The following GPC6 variants were observed in gnomAD, a reference collection of about 807,000 sequenced individuals.
GPC6 encodes glypican-6.
A neutral mutation model predicts 55.2 loss-of-function variants in GPC6; 14 were observed. The observed-to-expected ratio is 0.25, with a 90% CI of 0.17 to 0.40. The LOEUF is 0.40. Among genes scored for constraint, GPC6 ranks in the 10% least tolerant of loss-of-function variants. GPC6 has a pLI of 1.00. For missense variants in GPC6, 641 were observed against 708.5 expected (o/e 0.90, Z 1.08); for synonymous variants, 278 against 259.6 (o/e 1.07, Z -0.68).
intron 2 of GPC6, among the ~76,000 whole-genome samples, chr13:93,724,996 G>A (rs1016361524): frequency 6.6e-6 from 1 of 151,934 alleles, no homozygotes; most frequent in African/African-American, 2.4e-5. Context: ...AAAAAAAAGT[G>A]CCTTCTGTGC....
chr13:94,064,441 T>C (rs1884445392), intron 4 of GPC6, among the ~76,000 whole-genome samples: 1 of 152,152 alleles, frequency 6.6e-6, no homozygotes, highest in African/African-American at 2.4e-5. Flanking sequence ...GGGTGCAGCA[T>C]GGGGACTGGC....
chr13:93,804,946 C>T (rs1407302638), intron 2 of GPC6, among the ~76,000 whole-genome samples: 1 of 152,188 alleles, frequency 6.6e-6, no homozygotes, highest in African/African-American at 2.4e-5. Context: ...AACATAGCAG[C>T]AGTTTATGGG....
At chr13:94,231,404 A>G (rs1345773159) in intron 4 of GPC6, among the ~76,000 whole-genome samples, 1 of 152,196 alleles carries the variant, frequency 6.6e-6, no homozygotes, top group African/African-American at 2.4e-5. Flanking sequence ...GTTCAGAAAC[A>G]TTTGGCAGTC....
At chr13:93,245,356 C>A (rs1034262368) in intron 1 of GPC6, among the ~76,000 whole-genome samples, 6 of 152,176 alleles carry the variant, frequency 3.9e-5, no homozygotes, top group African/African-American at 1.4e-4. Flanking sequence ...TTCTCTCCTT[C>A]CTTCCTTCAT....
Position 94,398,469 on chromosome 13 carries a change from C to T in GPC6, c.1293C>T (p.Tyr431=). The change falls in exon 8 of 9, where the codon TAC becomes TAT. Residue 431 remains tyrosine, a synonymous_variant. Coordinates refer to ENST00000377047, the MANE Select transcript of GPC6 (RefSeq NM_005708.5). The stretch of plus-strand genomic sequence containing the variant: ...TCTCTCACTCTCTGCCTTGCAGATA[C>T]TTGCCTGAGATCATGAATGATGGGC... ...ECWNGHSKAR[Y]LPEIMNDGLT... 1 of 1,612,082 alleles carries T rather than the reference C, an allele frequency of 6.2e-7. No homozygotes were observed. The highest frequency in any genetic ancestry group is 8.5e-7 in the Non-Finnish European group (1 of 1,178,196).
At chr13:94,254,519 A>G (rs1375660884) in intron 4 of GPC6, among the ~76,000 whole-genome samples, 2 of 152,138 alleles carry the variant, frequency 1.3e-5, no homozygotes, top group African/African-American at 2.4e-5. Context: ...TGCTACAAAC[A>G]TACTTAATAT....
intron 2 of GPC6, among the ~76,000 whole-genome samples, chr13:93,549,316 G>A (rs1379256578): frequency 6.6e-6 from 1 of 152,136 alleles, no homozygotes; most frequent in African/African-American, 2.4e-5. Context: ...TAGTATTTTT[G>A]TGTTTAGTGA....
chr13:93,580,954 T>A (rs545832271), intron 2 of GPC6, among the ~76,000 whole-genome samples: 10 of 152,292 alleles, frequency 6.6e-5, no homozygotes, highest in South Asian at 2.1e-4. Context: ...GTGTTTTTTT[T>A]AATTACTTAA....
chr13:93,497,252 C>A (rs764351997), intron 1 of GPC6, among the ~76,000 whole-genome samples: 2 of 152,184 alleles, frequency 1.3e-5, no homozygotes, highest in African/African-American at 2.4e-5. Flanking sequence ...GTCCTGATTG[C>A]TCATGTGAAA....
intron 3 of GPC6, among the ~76,000 whole-genome samples, chr13:93,836,626 G>T (rs2138991145): frequency 6.6e-6 from 1 of 152,192 alleles, no homozygotes; most frequent in South Asian, 2.1e-4. Flanking sequence ...TATCAATGAT[G>T]TTTCTATGCT....
intron 2 of GPC6, among the ~76,000 whole-genome samples, chr13:93,678,855 T>C (rs996602219): frequency 6.6e-6 from 1 of 151,956 alleles, no homozygotes; most frequent in Admixed American, 6.6e-5. Flanking sequence ...ACAACCTGGG[T>C]CCACCTGAAC....
chr13:93,521,411 A>C (rs1881417680), intron 1 of GPC6, among the ~76,000 whole-genome samples: 2 of 151,990 alleles, frequency 1.3e-5, no homozygotes, highest in African/African-American at 4.8e-5. Flanking sequence ...CATCACTTAA[A>C]TGTGACAGCC....
At chr13:93,914,557 C>G (rs2140339321) in intron 3 of GPC6, among the ~76,000 whole-genome samples, 1 of 152,264 alleles carries the variant, frequency 6.6e-6, no homozygotes, top group South Asian at 2.1e-4. Context: ...AGTTAAAGAC[C>G]CAAATTTATT....
chr13:94,034,619 G>C (rs1883270212), intron 4 of GPC6, among the ~76,000 whole-genome samples: 1 of 152,094 alleles, frequency 6.6e-6, no homozygotes, highest in African/African-American at 2.4e-5. Flanking sequence ...TAGGGGATGT[G>C]TGTGTGGGTG....
intron 4 of GPC6, among the ~76,000 whole-genome samples, chr13:94,268,301 A>G (rs1891878282): frequency 6.6e-6 from 1 of 152,214 alleles, no homozygotes; most frequent in Non-Finnish European, 1.5e-5. Context: ...TGTAGCAGCC[A>G]ACACATTGAA....
chr13:93,943,569 T>C (rs1011710938), intron 3 of GPC6, among the ~76,000 whole-genome samples: 11 of 152,126 alleles, frequency 7.2e-5, no homozygotes, highest in Non-Finnish European at 1.3e-4. Flanking sequence ...ATCTACTGTC[T>C]CATGCCTGAA....
At chr13:94,012,126 A>G (rs893601110) in intron 3 of GPC6, among the ~76,000 whole-genome samples, 5 of 152,186 alleles carry the variant, frequency 3.3e-5, no homozygotes, top group East Asian at 3.8e-4. Flanking sequence ...ACCCGATCAG[A>G]TTCTTCATGC....
intron 2 of GPC6, among the ~76,000 whole-genome samples, chr13:93,786,883 C>T (rs561416945): frequency 6.6e-6 from 1 of 152,140 alleles, no homozygotes; most frequent in Non-Finnish European, 1.5e-5. Context: ...ATTTTCAACC[C>T]GCTGAGCCTA....
the GPC6 span, among the ~76,000 whole-genome samples, chr13:93,221,516 C>G: frequency 6.6e-6 from 1 of 152,048 alleles, no homozygotes; most frequent in Non-Finnish European, 1.5e-5. Context: ...CATTAGTAAC[C>G]CAGTTTGTTC....
Sources: allele counts gnomAD v4.1 joint callset (sites outside exome capture counted in the v4.1 genomes callset), GRCh38; gene constraint gnomAD v4.1.1; transcripts MANE v1.5; gene names NCBI Gene and HGNC (gene_info 2026-07-23, HGNC 2026-07-21).